Variants in OLAH observed in about 807,000 individuals in gnomAD.
OLAH encodes the protein S-acyl fatty acid synthase thioesterase, medium chain.
A neutral mutation model predicts 27.8 loss-of-function variants in OLAH; 33 were observed. That is an observed-to-expected ratio of 1.19 (90% confidence interval 0.90 to 1.59). OLAH has a LOEUF of 1.59. OLAH is among the 40% of genes most tolerant of loss of function. The pLI, the probability that OLAH is intolerant of heterozygous loss-of-function variation, is 0.00. For missense variants in OLAH, 359 were observed against 310.8 expected, an observed-to-expected ratio of 1.16 and a Z score of -1.17; for synonymous variants, 120 against 102.9, an observed-to-expected ratio of 1.17 and a Z score of -1.01.
chr10:15,049,840 G>C, intron 3 of OLAH, 75 bp downstream of exon 3: 1 of 1,422,966 alleles, frequency 7.0e-7, no homozygotes, highest in Non-Finnish European at 9.5e-7. Flanking sequence ...TTGAAGTTTG[G>C]TCAAGACTTT....
At chr10:15,049,565 C>A in intron 2 of OLAH, 70 bp from the exon 3 acceptor site, 1 of 965,238 alleles carries the variant, frequency 1.0e-6, no homozygotes, top group Non-Finnish European at 1.5e-6. Context: ...TCCATTAAAA[C>A]ACAGGTAATT....
Position 15,047,211 on chromosome 10 carries a change from C to A in OLAH, c.-78C>A. On this transcript the variant is annotated 5_prime_UTR_variant, in exon 2 of 8. Coordinates refer to ENST00000378228, the MANE Select transcript of OLAH (RefSeq NM_001039702.3). ...TGCATAAGGCCGAGCAGAGGTTCTT[C>A]GTCTCAAGAGGAACTGACTTCTGTT... The A allele has an allele frequency of 6.8e-7, 1 of 1,468,746 alleles. No homozygotes were observed. Among genetic ancestry groups the A allele is most frequent in the Non-Finnish European group, 9.4e-7 (1 of 1,065,736 alleles). 91.0% of individuals were successfully genotyped at this position (1,468,746 alleles called of 1,614,324 possible).
chr10:15,041,283 T>TA (rs201225952), upstream of OLAH, among the ~76,000 whole-genome samples: 58 of 135,746 alleles, frequency 4.3e-4, no homozygotes, highest in African/African-American at 1.4e-3. Flanking sequence ...TATTTTTATT[T>TA]TTATTTTTTT....
chr10:15,057,672 C>T (rs111617494), intron 3 of OLAH, among the ~76,000 whole-genome samples: 1 of 152,174 alleles, frequency 6.6e-6, no homozygotes, highest in African/African-American at 2.4e-5. Flanking sequence ...GGGCATGAGC[C>T]ACCGTGCCTG....
intron 1 of OLAH, among the ~76,000 whole-genome samples, chr10:15,035,658 C>G (rs942421173): frequency 6.6e-6 from 1 of 152,048 alleles, no homozygotes. Flanking sequence ...CTATATCAAG[C>G]GCCATCTCCT....
chr10:15,037,231 G>A (rs1453116525), intron 1 of OLAH, among the ~76,000 whole-genome samples: 2 of 151,742 alleles, frequency 1.3e-5, no homozygotes, highest in Non-Finnish European at 2.9e-5. Flanking sequence ...TGGCTAATAA[G>A]GCAATAGAGA....
At chr10:15,043,018 A>G (rs561906343), upstream of OLAH, among the ~76,000 whole-genome samples, 81 of 150,600 alleles carry the variant, frequency 5.4e-4, no homozygotes, top group African/African-American at 1.4e-3. Flanking sequence ...CCGCCACCAC[A>G]CCCAGCTAAT....
intron 3 of OLAH, among the ~76,000 whole-genome samples, chr10:15,051,903 C>G (rs1844151260): frequency 6.6e-6 from 1 of 152,186 alleles, no homozygotes. Context: ...AACTCTTCAG[C>G]TTTGCCATTG....
chr10:15,054,332 C>T (rs761447959), intron 3 of OLAH, among the ~76,000 whole-genome samples: 15 of 152,146 alleles, frequency 9.9e-5, no homozygotes, highest in African/African-American at 1.7e-4. Flanking sequence ...TGAGCCACCC[C>T]GCCTGGCCTT....
chr10:15,033,599 T>C (rs912699145), intron 1 of OLAH, among the ~76,000 whole-genome samples: 6 of 152,170 alleles, frequency 3.9e-5, no homozygotes, highest in Non-Finnish European at 7.4e-5. Context: ...GGGTAATTTA[T>C]AACGAACGGA....
intron 3 of OLAH, among the ~76,000 whole-genome samples, chr10:15,056,051 T>C (rs1055904993): frequency 2.0e-5 from 3 of 152,216 alleles, no homozygotes; most frequent in Admixed American, 2.0e-4. Flanking sequence ...GATTTCACCA[T>C]GTTGGCTAGG....
intron 6 of OLAH, 47 bp from the exon 7 acceptor site, chr10:15,071,748 G>A: frequency 3.3e-6 from 5 of 1,521,622 alleles, no homozygotes; most frequent in Non-Finnish European, 4.5e-6. Context: ...AAAGATTCTG[G>A]GATGTTGATT....
At chr10:15,045,319 G>A (rs1843994151) in intron 1 of OLAH, among the ~76,000 whole-genome samples, 1 of 152,122 alleles carries the variant, frequency 6.6e-6, no homozygotes, top group South Asian at 2.1e-4. Context: ...CTAATTTTAT[G>A]AAAACTTTGT....
intron 1 of OLAH, among the ~76,000 whole-genome samples, chr10:15,046,832 TA>T (rs1375120255): frequency 6.6e-6 from 1 of 152,194 alleles, no homozygotes; most frequent in African/African-American, 2.4e-5. Context: ...CCTAATTTTC[TA>T]GTATGTATGG....
chr10:15,041,568 A>G (rs1843920656), upstream of OLAH, among the ~76,000 whole-genome samples: 1 of 137,584 alleles, frequency 7.3e-6, no homozygotes, highest in Non-Finnish European at 1.5e-5. Context: ...GTGAGCCACC[A>G]TACCCAGCCA....
chr10:15,038,134 G>A (rs537135919), intron 1 of OLAH, among the ~76,000 whole-genome samples: 1 of 152,240 alleles, frequency 6.6e-6, no homozygotes, highest in Non-Finnish European at 1.5e-5. Context: ...CTGGCATGGG[G>A]CCTGTAGCCC....
At chr10:15,050,906 C>A (rs1844125514) in intron 3 of OLAH, among the ~76,000 whole-genome samples, 1 of 151,804 alleles carries the variant, frequency 6.6e-6, no homozygotes, top group Non-Finnish European at 1.5e-5. Context: ...TATTTAAAGT[C>A]AAAAATAAAA....
intron 1 of OLAH, among the ~76,000 whole-genome samples, chr10:15,044,423 A>G (rs1272272168): frequency 6.6e-6 from 1 of 151,140 alleles, no homozygotes; most frequent in African/African-American, 2.4e-5. Flanking sequence ...TTTGCCTTGT[A>G]TTTTAATTTT....
intron 3 of OLAH, among the ~76,000 whole-genome samples, chr10:15,059,588 T>C (rs1375094746): frequency 6.6e-6 from 1 of 152,064 alleles, no homozygotes; most frequent in Non-Finnish European, 1.5e-5. Context: ...GGCAGATCAC[T>C]TGAGGTCAGG....
Sources: allele counts gnomAD v4.1 joint callset (sites outside exome capture counted in the v4.1 genomes callset), GRCh38; gene constraint gnomAD v4.1.1; transcripts MANE v1.5; gene names NCBI Gene and HGNC (gene_info 2026-07-23, HGNC 2026-07-21).